Variants in TNIP1 observed in about 807,000 individuals in gnomAD.
TNIP1 encodes the protein TNFAIP3-interacting protein 1.
TNIP1 carries 22 observed loss-of-function variants against 86.6 expected under a neutral mutation model. The observed-to-expected ratio is 0.25, with a 90% CI of 0.18 to 0.36. The LOEUF (loss-of-function observed/expected upper bound fraction) is 0.36, where lower values mean the gene tolerates loss of function less well. Among genes scored for constraint, TNIP1 ranks in the 10% least tolerant of loss-of-function variants. TNIP1 has a pLI of 1.00. For missense variants in TNIP1, 709 were observed against 820.6 expected (o/e 0.86, Z 1.66); for synonymous variants, 294 against 313.0 (o/e 0.94, Z 0.64).
In TNIP1 at chr5:151,052,203, C is replaced by T. The variant is rs1264726867; in HGVS notation, c.684G>A (p.Lys228=). ...CAGCCTGATCCCGCTGTTCCAGGCC[C>T]TTATCCAACTTGGCCTTCAGAGCCT... is the stretch of plus-strand genomic sequence containing the variant. ...ENEALKAKLD[K]GLEQRDQAAE... is the part of the protein sequence containing the mutation. Residue 228 remains lysine (K), a synonymous_variant, in exon 7 of 18, where the codon AAG becomes AAA. Coordinates refer to ENST00000521591, the MANE Select transcript of TNIP1 (RefSeq NM_006058.5). 4.3e-6 allele frequency: 7 copies of T among 1,613,974 alleles called. No individual in the cohort carries two copies. Among genetic ancestry groups the T allele is most frequent in the Admixed American group, 3.3e-5 (2 of 59,996 alleles).
chr5:151,064,828 C>G (rs1202838415), intron 2 of TNIP1, 132 bp downstream of exon 2: 2 of 1,335,184 alleles, frequency 1.5e-6, no homozygotes, highest in Non-Finnish European at 2.1e-6. Context: ...GGAGCCAGCG[C>G]TGGGCCAGGA....
At chr5:151,084,393 C>T (rs919039242), upstream of TNIP1, among the ~76,000 whole-genome samples, 2 of 148,320 alleles carry the variant, frequency 1.3e-5, no homozygotes, top group African/African-American at 5.0e-5. Flanking sequence ...TGCAATGAGC[C>T]AAGATCGCGC....
chr5:151,078,144 A>C (rs904016435), intron 1 of TNIP1, among the ~76,000 whole-genome samples: 5 of 152,168 alleles, frequency 3.3e-5, no homozygotes, highest in Non-Finnish European at 7.3e-5. Context: ...ACATCTCCCC[A>C]TTTGACCAAA....
At chr5:151,033,850 C>T (rs371379662) in intron 15 of TNIP1, 51 bp from the exon 16 acceptor site, 59 of 1,347,034 alleles carry the variant, frequency 4.4e-5, no homozygotes, top group Non-Finnish European at 5.3e-5. Context: ...CTGCAAAGGA[C>T]ACCCATCTCA....
chr5:151,053,790 G>A (rs71586194), intron 6 of TNIP1, among the ~76,000 whole-genome samples: 3,286 of 152,308 alleles, frequency 0.022, 47 homozygotes, highest in South Asian at 0.057. Flanking sequence ...AGGGAAACCA[G>A]GTAAAATGAT....
At position 151,060,335 on chromosome 5, in the gene TNIP1, T is replaced by C; in HGVS notation, c.418A>G (p.Ser140Gly). The C allele has an allele frequency of 6.2e-7, 1 of 1,614,150 alleles. No individual in the cohort carries two copies. The highest frequency in any genetic ancestry group is 8.5e-7 in the Non-Finnish European group (1 of 1,180,016). Residue 140 changes from serine (S) to glycine (G), a missense_variant, in exon 5 of 18, where the codon AGC becomes GGC. Physicochemically the swap from Ser to Gly is moderately conservative, Grantham distance 56. Coordinates refer to ENST00000521591, the MANE Select transcript of TNIP1 (RefSeq NM_006058.5). ...CCACTCACCATCGCATTGGCATGGC[T>C]GCTGCTCTCTGGTGAATTCTGCTCC... ...PEEQNSPESSSHANAMALGPL... is the reference protein window; with the variant it reads ...PEEQNSPESSGHANAMALGPL...
chr5:151,062,208 C>T lies in TNIP1; in HGVS notation c.276G>A (p.Lys92=). Reference sequence around the variant, plus strand: ...TGGGAGATGCTGTGACATTTGAGTCCTTTCCTGGAGAATCAAGAAAGCACA... The same window carrying T: ...TGGGAGATGCTGTGACATTTGAGTCTTTTCCTGGAGAATCAAGAAAGCACA... ...SFDPLAELTG[K]DSNVTASPTA... is the part of the protein sequence containing the mutation. The change falls in exon 4 of 18, where the codon AAG becomes AAA. Residue 92 remains lysine, a synonymous_variant. Coordinates refer to ENST00000521591, the MANE Select transcript of TNIP1 (RefSeq NM_006058.5). 3.1e-6 allele frequency: 5 copies of T among 1,613,992 alleles called. No homozygotes were observed. The highest frequency in any genetic ancestry group is 1.1e-5 in the South Asian group (1 of 91,080).
chr5:151,044,230 C>T (rs949809982), intron 9 of TNIP1, among the ~76,000 whole-genome samples: 4 of 152,050 alleles, frequency 2.6e-5, no homozygotes, highest in African/African-American at 9.7e-5. Context: ...TTTGTAGAGA[C>T]AGGGTCTTGC....
chr5:151,043,327 A>G (rs1170383669), intron 9 of TNIP1, among the ~76,000 whole-genome samples: 3 of 152,270 alleles, frequency 2.0e-5, no homozygotes, highest in Non-Finnish European at 4.4e-5. Flanking sequence ...TTTAACCAAT[A>G]GAAACACTTA....
intron 5 of TNIP1, among the ~76,000 whole-genome samples, chr5:151,059,822 A>G (rs984914967): frequency 1.2e-5 from 1 of 86,494 alleles, no homozygotes; most frequent in African/African-American, 6.0e-5. Flanking sequence ...AGAGAGAGAG[A>G]GAGAGAGTGT....
At chr5:151,063,054 C>A (rs1170887584) in intron 3 of TNIP1, among the ~76,000 whole-genome samples, 1 of 152,222 alleles carries the variant, frequency 6.6e-6, no homozygotes, top group Non-Finnish European at 1.5e-5. Context: ...CTCTACCATA[C>A]ATGGGACTTC....
intron 5 of TNIP1, 110 bp from the exon 6 acceptor site, chr5:151,057,067 A>C (rs551105568): frequency 2.7e-6 from 3 of 1,129,898 alleles, no homozygotes; most frequent in Admixed American, 8.2e-5. Context: ...TCCCCCTGTG[A>C]CCCCAGCTCA....
chr5:151,063,109 T>C (rs1322549081), intron 3 of TNIP1, among the ~76,000 whole-genome samples: 3 of 152,196 alleles, frequency 2.0e-5, no homozygotes, highest in African/African-American at 7.2e-5. Context: ...GCAGCACACG[T>C]AACCTTACAT....
rs1581705964 is a variant in TNIP1 at position 151,030,872 on chromosome 5, C to A, written c.1877-125G>T. On this transcript the variant is annotated intron_variant, in intron 17 of 17. Coordinates refer to ENST00000521591, the MANE Select transcript of TNIP1 (RefSeq NM_006058.5). ...AGGGTTACTGGGTGCTACCAAGTGCCAGGGCTAAGTACCTTAAGTACGCTG... is the reference window on the plus strand; with the variant it reads ...AGGGTTACTGGGTGCTACCAAGTGCAAGGGCTAAGTACCTTAAGTACGCTG... The A allele has an allele frequency of 4.0e-6, 3 of 746,878 alleles. No individual in the cohort carries two copies. In the East Asian group the frequency reaches 8.2e-5, roughly 20 times the overall value. 46.3% of individuals were successfully genotyped at this position (746,878 alleles called of 1,614,324 possible). A position where few individuals can be genotyped will look rare whatever the true frequency, so the allele number is the denominator to read the frequency against.
chr5:151,051,172 A>G (rs1217513230), intron 7 of TNIP1, among the ~76,000 whole-genome samples: 1 of 152,242 alleles, frequency 6.6e-6, no homozygotes, highest in Non-Finnish European at 1.5e-5. Flanking sequence ...ATCCTTGGCC[A>G]TCCAAAAGCA....
upstream of TNIP1, chr5:151,087,487 C>A (rs1286925130): frequency 6.6e-6 from 1 of 152,248 alleles, no homozygotes; most frequent in Non-Finnish European, 1.5e-5. Context: ...GTCCTGAAGA[C>A]CTCCATTTCC....
upstream of TNIP1, among the ~76,000 whole-genome samples, chr5:151,082,550 C>A (rs1193799273): frequency 6.6e-6 from 1 of 152,172 alleles, no homozygotes; most frequent in Admixed American, 6.5e-5. Context: ...TATTCCCAAC[C>A]CACATCTTCT....
intron 1 of TNIP1, among the ~76,000 whole-genome samples, chr5:151,086,069 G>A (rs951572251): frequency 3.3e-5 from 5 of 152,106 alleles, no homozygotes; most frequent in Non-Finnish European, 4.4e-5. Context: ...CTGGGGAGGG[G>A]ATGAAGAGGG....
chr5:151,050,025 T>G, intron 7 of TNIP1, 78 bp from the exon 8 acceptor site: 1 of 1,592,932 alleles, frequency 6.3e-7, no homozygotes, highest in Non-Finnish European at 8.5e-7. Flanking sequence ...ATGCTCACTA[T>G]CGCATGAGTT....
Sources: gnomAD v4.1 joint callset for allele counts (sites outside exome capture counted in the v4.1 genomes callset) on GRCh38, gnomAD v4.1.1 for gene constraint, MANE v1.5 for transcripts, NCBI Gene and HGNC (gene_info 2026-07-23, HGNC 2026-07-21) for gene names.